The following B3GALT1 variants were observed in gnomAD, a reference collection of about 807,000 sequenced individuals.
B3GALT1 encodes the protein UDP-Gal:betaGlcNAc beta 1,3-galactosyltransferase, polypeptide 1.
A neutral mutation model predicts 23.2 loss-of-function variants in B3GALT1; 10 were observed. The observed-to-expected ratio is 0.43, with a 90% CI of 0.27 to 0.73. B3GALT1 has a LOEUF of 0.73. Ranked by LOEUF, B3GALT1 falls within the 30% of genes least tolerant of loss-of-function variation. B3GALT1 has a pLI of 0.21. For synonymous variants in B3GALT1, 156 were observed against 141.5 expected, an observed-to-expected ratio of 1.10 and a Z score of -0.73; for missense variants, 299 against 405.4, an observed-to-expected ratio of 0.74 and a Z score of 2.25.
intron 4 of B3GALT1, among the ~76,000 whole-genome samples, chr2:167,846,634 A>G (rs1689766309): frequency 1.3e-5 from 2 of 152,206 alleles, no homozygotes; most frequent in Admixed American, 1.3e-4. Flanking sequence ...AAACACATCA[A>G]AACAGAACCT....
intron 1 of B3GALT1, among the ~76,000 whole-genome samples, chr2:167,474,114 A>G (rs1042186994): frequency 1.3e-5 from 2 of 152,198 alleles, no homozygotes; most frequent in Non-Finnish European, 2.9e-5. Flanking sequence ...AATGGCATGG[A>G]CATGTCAGTA....
chr2:167,406,257 A>G (rs908246405), intron 1 of B3GALT1, among the ~76,000 whole-genome samples: 1 of 152,226 alleles, frequency 6.6e-6, no homozygotes, highest in Admixed American at 6.5e-5. Context: ...GTTATTTTTA[A>G]TCAGAATATA....
At chr2:167,795,333 T>G (rs1010671593) in intron 3 of B3GALT1, among the ~76,000 whole-genome samples, 2 of 152,290 alleles carry the variant, frequency 1.3e-5, no homozygotes, top group African/African-American at 4.8e-5. Context: ...TGTGACCACA[T>G]AACACCAATG....
chr2:167,360,515 A>C (rs911569570), intron 1 of B3GALT1, among the ~76,000 whole-genome samples: 13 of 152,178 alleles, frequency 8.5e-5, no homozygotes, highest in African/African-American at 2.9e-4. Context: ...GGAAATTTTC[A>C]GAAATGCAAT....
At chr2:167,703,752 T>A (rs1184366176) in intron 3 of B3GALT1, among the ~76,000 whole-genome samples, 1 of 152,142 alleles carries the variant, frequency 6.6e-6, no homozygotes, top group Non-Finnish European at 1.5e-5. Context: ...GTAAGAGATA[T>A]TTAAAAACAA....
At chr2:167,615,180 A>G (rs781296039) in intron 2 of B3GALT1, among the ~76,000 whole-genome samples, 1 of 152,140 alleles carries the variant, frequency 6.6e-6, no homozygotes, top group Non-Finnish European at 1.5e-5. Flanking sequence ...GTATATGCAC[A>G]ACAGAATATT....
intron 1 of B3GALT1, among the ~76,000 whole-genome samples, chr2:167,329,243 C>G (rs1696938265): frequency 6.6e-6 from 1 of 152,144 alleles, no homozygotes; most frequent in Non-Finnish European, 1.5e-5. Context: ...AAATTTCCAT[C>G]TTAATTTCTT....
chr2:167,548,727 T>C (rs1028603762), intron 2 of B3GALT1, among the ~76,000 whole-genome samples: 1 of 151,918 alleles, frequency 6.6e-6, no homozygotes, highest in Non-Finnish European at 1.5e-5. Flanking sequence ...TATGTGTGTG[T>C]CTATGTATGA....
At chr2:167,538,644 T>C (rs1683473063) in intron 2 of B3GALT1, among the ~76,000 whole-genome samples, 2 of 152,202 alleles carry the variant, frequency 1.3e-5, no homozygotes, top group African/African-American at 4.8e-5. Context: ...TGTCTTTAGT[T>C]ATTCTCCAAA....
chr2:167,767,413 C>T (rs1687996821), intron 3 of B3GALT1, among the ~76,000 whole-genome samples: 1 of 152,208 alleles, frequency 6.6e-6, no homozygotes, highest in Non-Finnish European at 1.5e-5. Flanking sequence ...TTCACCCAAT[C>T]TTCACCACAA....
chr2:167,537,712 AC>A (rs1354031574), intron 2 of B3GALT1, among the ~76,000 whole-genome samples: 1 of 152,040 alleles, frequency 6.6e-6, no homozygotes, highest in Non-Finnish European at 1.5e-5. Context: ...GCCTATCTAA[AC>A]CTTTTCCTTA....
intron 1 of B3GALT1, among the ~76,000 whole-genome samples, chr2:167,302,722 C>G (rs1696470130): frequency 6.6e-6 from 1 of 152,014 alleles, no homozygotes; most frequent in African/African-American, 2.4e-5. Flanking sequence ...TTAACTCAAG[C>G]TTAAATTGAG....
chr2:167,717,108 G>A (rs1687156539), intron 3 of B3GALT1, among the ~76,000 whole-genome samples: 2 of 152,160 alleles, frequency 1.3e-5, no homozygotes, highest in South Asian at 2.1e-4. Flanking sequence ...CTGCCAGAAA[G>A]AAATCTGACA....
chr2:167,702,327 C>G (rs552989539), intron 3 of B3GALT1, among the ~76,000 whole-genome samples: 1 of 152,262 alleles, frequency 6.6e-6, no homozygotes, highest in East Asian at 1.9e-4. Context: ...GTATATTATT[C>G]CTGCATTACA....
chr2:167,853,860 C>T (rs943932657), intron 4 of B3GALT1, among the ~76,000 whole-genome samples: 10 of 152,026 alleles, frequency 6.6e-5, no homozygotes, highest in Admixed American at 3.9e-4. Context: ...AGGGGGAGGG[C>T]GTGCAAGTGT....
chr2:167,560,580 A>G (rs1024009330), intron 2 of B3GALT1, among the ~76,000 whole-genome samples: 13 of 152,152 alleles, frequency 8.5e-5, no homozygotes, highest in African/African-American at 3.1e-4. Context: ...GCAGAGACAC[A>G]CATAGGCTCA....
chr2:167,782,351 C>G (rs112982497), intron 3 of B3GALT1, among the ~76,000 whole-genome samples: 1 of 151,984 alleles, frequency 6.6e-6, no homozygotes, highest in Admixed American at 6.6e-5. Context: ...TGAGGGTTGT[C>G]GAAAAGGACC....
At chr2:167,813,473 C>T (rs2105355295) in intron 3 of B3GALT1, among the ~76,000 whole-genome samples, 1 of 152,326 alleles carries the variant, frequency 6.6e-6, no homozygotes, top group South Asian at 2.1e-4. Flanking sequence ...TTTCCACATT[C>T]TAGCCTTATT....
intron 2 of B3GALT1, among the ~76,000 whole-genome samples, chr2:167,517,206 G>C (rs1391340770): frequency 6.6e-6 from 1 of 151,316 alleles, no homozygotes; most frequent in African/African-American, 2.4e-5. Flanking sequence ...TGCTACTTTG[G>C]GGTTTTATTG....
Sources: allele counts gnomAD v4.1 joint callset (sites outside exome capture counted in the v4.1 genomes callset), GRCh38; gene constraint gnomAD v4.1.1; transcripts MANE v1.5; gene names NCBI Gene and HGNC (gene_info 2026-07-23, HGNC 2026-07-21).